Variants in CPSF6 observed in about 807,000 individuals in gnomAD.
The protein encoded by CPSF6 is cleavage and polyadenylation specific factor 6.
CPSF6 carries 10 observed loss-of-function variants against 56.7 expected under a neutral mutation model. The ratio of observed to expected loss-of-function variants is 0.18; its 90% confidence interval spans 0.11 to 0.30. The LOEUF (loss-of-function observed/expected upper bound fraction) is 0.30, where lower values mean the gene tolerates loss of function less well. Ranked by LOEUF, CPSF6 falls within the 10% of genes least tolerant of loss-of-function variation. The pLI is 1.00. For synonymous variants in CPSF6, 248 were observed against 244.8 expected, an observed-to-expected ratio of 1.01 and a Z score of -0.12; for missense variants, 419 against 722.9, an observed-to-expected ratio of 0.58 and a Z score of 4.82.
Position 69,250,030 on chromosome 12 carries a change from A to G in CPSF6, c.61-1099A>G, listed in dbSNP as rs537434869. 1.1e-3 allele frequency among the ~76,000 whole-genome samples: 169 copies of G among 152,340 alleles called. 2 individuals are homozygous for G. The highest frequency in any genetic ancestry group is 3.9e-3 in the African/African-American group (161 of 41,588). On this transcript the variant is annotated intron_variant, in intron 1 of 9. Coordinates refer to ENST00000435070, the MANE Select transcript of CPSF6 (RefSeq NM_007007.3). The stretch of plus-strand genomic sequence containing the variant: ...CATTAGCTCTTTGTTCACTGAGAAT[A>G]ATACAACTTGCAAGATAATTAATTT...
At chr12:69,248,088 A>G (rs1872010362) in intron 1 of CPSF6, among the ~76,000 whole-genome samples, 1 of 152,246 alleles carries the variant, frequency 6.6e-6, no homozygotes, top group Non-Finnish European at 1.5e-5. Flanking sequence ...TCAATGTGGA[A>G]AATTGGTTTG....
intron 9 of CPSF6, among the ~76,000 whole-genome samples, chr12:69,264,062 A>C (rs1314216040): frequency 1.3e-5 from 2 of 152,068 alleles, no homozygotes; most frequent in Non-Finnish European, 2.9e-5. Flanking sequence ...TAAACACTAA[A>C]TTTTAAAGAT....
intron 1 of CPSF6, among the ~76,000 whole-genome samples, chr12:69,244,706 T>G (rs200296799): frequency 6.9e-5 from 10 of 145,920 alleles, no homozygotes; most frequent in Admixed American, 1.4e-4. Flanking sequence ...TTTTTTTTTT[T>G]AAGCTTTTTT....
In CPSF6 at chr12:69,273,185, A is replaced by G. The variant is rs1873333272; in HGVS notation, c.*3677A>G. 2 of 517,384 alleles carry G rather than the reference A, an allele frequency of 3.9e-6. No homozygotes were observed. Among genetic ancestry groups the G allele is most frequent in the African/African-American group, 2.0e-5 (1 of 51,194 alleles). The allele number at this position is 517,384 out of a possible 1,614,324, so 32.0% of individuals were successfully genotyped here. A position where few individuals can be genotyped will look rare whatever the true frequency, so the allele number is the denominator to read the frequency against. The stretch of plus-strand genomic sequence containing the variant: ...AGTTCTTATACTCTTCTTTCTTGGC[A>G]TTAGAAAGAAGCAATATGAATTTTT... On this transcript the variant is annotated 3_prime_UTR_variant, in exon 10 of 10. Coordinates refer to ENST00000435070, the MANE Select transcript of CPSF6 (RefSeq NM_007007.3).
intron 1 of CPSF6, among the ~76,000 whole-genome samples, chr12:69,248,694 T>C (rs1224106716): frequency 1.3e-5 from 2 of 152,240 alleles, no homozygotes; most frequent in Admixed American, 6.5e-5. Context: ...TTCAGTGACT[T>C]GTGGTCTTAG....
At chr12:69,245,435 A>G (rs478188) in intron 1 of CPSF6, among the ~76,000 whole-genome samples, 114,463 of 151,774 alleles carry the variant, frequency 0.75, 43,690 homozygotes, top group African/African-American at 0.88. Context: ...TCGTAGGTAT[A>G]TATAAAGAAA....
In CPSF6 at chr12:69,271,337, C is replaced by G. The variant is rs760722155; in HGVS notation, c.*1829C>G. The G allele has an allele frequency of 6.6e-6, 1 of 151,614 alleles. No individual in the cohort carries two copies. Among genetic ancestry groups the G allele is most frequent in the Non-Finnish European group, 1.5e-5 (1 of 67,560 alleles). The allele number at this position is 151,614 out of a possible 1,614,324, so 9.4% of individuals were successfully genotyped here. On this transcript the variant is annotated 3_prime_UTR_variant, in exon 10 of 10. Coordinates refer to ENST00000435070, the MANE Select transcript of CPSF6 (RefSeq NM_007007.3). ...CTTTTTAATATTTTGACTACAATGC[C>G]CTAATGCGAAGAAGTATGGACATAT...
At chr12:69,243,873 A>G (rs1213482706) in intron 1 of CPSF6, among the ~76,000 whole-genome samples, 1 of 152,184 alleles carries the variant, frequency 6.6e-6, no homozygotes, top group Admixed American at 6.5e-5. Flanking sequence ...TCTCACTGTC[A>G]TCCAGTCTGG....
intron 3 of CPSF6, chr12:69,255,236 T>C (rs1436637304): frequency 6.6e-6 from 1 of 152,254 alleles, no homozygotes; most frequent in African/African-American, 2.4e-5. Context: ...TATGGCTGAG[T>C]AATATTCCAC....
intron 1 of CPSF6, among the ~76,000 whole-genome samples, chr12:69,250,817 T>C (rs990015422): frequency 1.3e-5 from 2 of 152,000 alleles, no homozygotes; most frequent in African/African-American, 4.8e-5. Context: ...TGGCTAATTT[T>C]TGTATGTTTA....
In CPSF6 at chr12:69,258,544, T is replaced by G. The variant is rs758192092; in HGVS notation, c.695-46T>G. ...TTGGCATATAAAAGTTAAAATATCT[T>G]ATTAGTGAAGTGTTTTTTTTTCTCT... On this transcript the variant is annotated intron_variant, in intron 5 of 9. Transcript: ENST00000435070. The surrounding 1 kb of genome is among the most constrained non-coding windows in gnomAD (Gnocchi z 4.2). The G allele has an allele frequency of 6.0e-6, 9 of 1,501,352 alleles. No individual in the cohort carries two copies. Among genetic ancestry groups the G allele is most frequent in the Non-Finnish European group, 7.9e-6 (9 of 1,134,332 alleles). The allele number at this position is 1,501,352 out of a possible 1,614,324, so 93.0% of individuals were successfully genotyped here.
At chr12:69,267,190 T>C in intron 9 of CPSF6, among the ~76,000 whole-genome samples, 1 of 152,154 alleles carries the variant, frequency 6.6e-6, no homozygotes, top group East Asian at 1.9e-4. Flanking sequence ...GTCAAGTATT[T>C]ATTTAAATCT....
chr12:69,239,629 G>GGCC lies in CPSF6; in HGVS notation c.-16_-14dup, dbSNP rs1871488728. ...TGCAGGAGGCGGCGGCGGCGGCGGC[G>GGCC]GCCGAGGCTGAAGGAAGATGGCGGA... On this transcript the variant is annotated 5_prime_UTR_variant, in exon 1 of 10. Transcript: ENST00000435070. 3 of 1,563,090 alleles carry GGCC rather than the reference G, an allele frequency of 1.9e-6. No homozygotes were observed. Among genetic ancestry groups the GGCC allele is most frequent in the East Asian group, 5.1e-5 (2 of 39,120 alleles).
intron 6 of CPSF6, 33 bp downstream of exon 6, chr12:69,259,127 T>G (rs759577270): frequency 1.3e-6 from 2 of 1,562,726 alleles, no homozygotes; most frequent in Non-Finnish European, 1.7e-6. Context: ...AAGTACTTGA[T>G]GATAAAAGAT....
At chr12:69,257,611 C>A (rs1359570643) in intron 4 of CPSF6, 121 bp from the exon 5 acceptor site, 11 of 876,362 alleles carry the variant, frequency 1.3e-5, no homozygotes, top group Non-Finnish European at 1.9e-5. Flanking sequence ...ATGTAGTTTG[C>A]ATAGGCACAA....
Position 69,270,969 on chromosome 12 carries a change from A to AT in CPSF6, c.*1461_*1462insT, listed in dbSNP as rs1873212624. On this transcript the variant is annotated 3_prime_UTR_variant, in exon 10 of 10. Transcript: ENST00000435070. ...TGTTAAAGAGTACCCAAATTCTAGGACAATGCTTAAAGTGTTAAAATACCC... is the reference window on the plus strand; with the variant it reads ...TGTTAAAGAGTACCCAAATTCTAGGATCAATGCTTAAAGTGTTAAAATACCC... 4 of 151,752 alleles carry AT rather than the reference A, an allele frequency of 2.6e-5. No homozygotes were observed. The highest frequency in any genetic ancestry group is 4.4e-5 in the Non-Finnish European group (3 of 67,648). 9.4% of individuals were successfully genotyped at this position (151,752 alleles called of 1,614,324 possible).
chr12:69,258,608 G>A lies in CPSF6; in HGVS notation c.713G>A (p.Arg238His), dbSNP rs753465837. 5.6e-6 allele frequency: 9 copies of A among 1,609,514 alleles called. No individual in the cohort carries two copies. Among genetic ancestry groups the A allele is most frequent in the Non-Finnish European group, 6.8e-6 (8 of 1,177,930 alleles). The change falls in exon 6 of 10, where the codon CGT (arginine) becomes CAT (histidine). Residue 238 changes from arginine to histidine, a missense_variant. Transcript: ENST00000435070. The surrounding 1 kb of genome is among the most constrained non-coding windows in gnomAD (Gnocchi z 4.2). The stretch of plus-strand genomic sequence containing the variant: ...TTTTTAGCTGGACAGACTCCACCAC[G>A]TCCACCCTTAGGTCCTCCAGGCCCA... ...PPFPAGQTPP[R>H]PPLGPPGPPG...
intron 1 of CPSF6, among the ~76,000 whole-genome samples, chr12:69,246,255 G>A (rs1322543674): frequency 6.6e-6 from 1 of 152,172 alleles, no homozygotes; most frequent in Admixed American, 6.5e-5. Context: ...CTAGCCAATT[G>A]TTGAGCCAAT....
chr12:69,251,170 C>G lies in CPSF6; in HGVS notation c.102C>G (p.Asp34Glu). The change falls in exon 2 of 10, where the codon GAC becomes GAG. Residue 34 changes from aspartate (D) to glutamate (E), a missense_variant. Physicochemically the swap from Asp to Glu is conservative, Grantham distance 45. Transcript: ENST00000435070. The part of the protein sequence containing the change: ...YGGHDQIDLY[D>E]DVISPSANNG... ...GGCATGATCAGATAGATTTGTATGA[C>G]GATGTCATATCTCCATCTGCAAATA... is the stretch of plus-strand genomic sequence containing the variant. 1.2e-6 allele frequency: 2 copies of G among 1,612,564 alleles called. No individual in the cohort carries two copies. Among genetic ancestry groups the G allele is most frequent in the Non-Finnish European group, 1.7e-6 (2 of 1,179,360 alleles).
Sources: allele counts gnomAD v4.1 joint callset (sites outside exome capture counted in the v4.1 genomes callset), GRCh38; gene constraint gnomAD v4.1.1; non-coding constraint Gnocchi (gnomAD v3.1); transcripts MANE v1.5; gene names NCBI Gene and HGNC (gene_info 2026-07-23, HGNC 2026-07-21).